The following MIS18A variants were observed in gnomAD, a reference collection of about 807,000 sequenced individuals.
The protein encoded by MIS18A is protein Mis18-alpha.
In MIS18A, 14 loss-of-function variants were observed where a neutral mutation model predicts 25.0. The observed-to-expected ratio is 0.56, with a 90% CI of 0.37 to 0.88. MIS18A has a LOEUF of 0.88. Ranked by LOEUF, MIS18A falls within the 40% of genes least tolerant of loss-of-function variation. MIS18A has a pLI of 0.00. For synonymous variants in MIS18A, 134 were observed against 118.6 expected (o/e 1.13, Z -0.84); for missense variants, 292 against 290.8 (o/e 1.00, Z -0.03).
At chr21:32,249,223 A>T in the MIS18A span, among the ~76,000 whole-genome samples, 9 of 152,162 alleles carry the variant, frequency 5.9e-5, no homozygotes, top group Admixed American at 5.9e-4. Flanking sequence ...GCAATGAGAG[A>T]GCAATGCGTT....
rs57672040 is a variant in MIS18A, at chr21:32,268,929, A to ATT, written c.*106_*107dup. 4.4e-3 allele frequency: 3,180 copies of ATT among 730,332 alleles called. 13 individuals carry two copies. The highest frequency in any genetic ancestry group is 0.025 in the African/African-American group (1,272 of 51,652). 45.2% of individuals were successfully genotyped at this position (730,332 alleles called of 1,614,324 possible). A position where few individuals can be genotyped will look rare whatever the true frequency, so the allele number is the denominator to read the frequency against. On this transcript the variant is annotated 3_prime_UTR_variant, in exon 5 of 5. Transcript: ENST00000290130. ...CCTCAGCGTTTCGCATGCCTGGCTA[A>ATT]TTTTTTTTTTCTTTTTTTTTTTGTA...
At chr21:32,246,842 G>T in the MIS18A span, among the ~76,000 whole-genome samples, 1 of 152,172 alleles carries the variant, frequency 6.6e-6, no homozygotes, top group Non-Finnish European at 1.5e-5. Flanking sequence ...GGAGGGAAAT[G>T]AACAGAAACG....
At chr21:32,241,018 C>G in the MIS18A span, among the ~76,000 whole-genome samples, 25 of 152,188 alleles carry the variant, frequency 1.6e-4, no homozygotes, top group Non-Finnish European at 3.5e-4. Flanking sequence ...GAAACCGAAG[C>G]CTGTCAAGCT....
chr21:32,211,528 A>G, the MIS18A span, among the ~76,000 whole-genome samples: 1 of 152,212 alleles, frequency 6.6e-6, no homozygotes, highest in African/African-American at 2.4e-5. Context: ...GGAGATGGCT[A>G]TCACCTCCTT....
the MIS18A span, among the ~76,000 whole-genome samples, chr21:32,238,229 G>C: frequency 1.3e-5 from 2 of 152,178 alleles, no homozygotes; most frequent in Admixed American, 1.3e-4. Flanking sequence ...CAAATTTCTT[G>C]TAAGAATCCA....
At chr21:32,162,152 G>A in the MIS18A span, among the ~76,000 whole-genome samples, 5 of 152,126 alleles carry the variant, frequency 3.3e-5, no homozygotes, top group African/African-American at 4.8e-5. Context: ...AACTGTGGCT[G>A]CCTCTAGAGT....
chr21:32,249,661 C>T, the MIS18A span, among the ~76,000 whole-genome samples: 2 of 152,116 alleles, frequency 1.3e-5, no homozygotes, highest in Admixed American at 1.3e-4. Flanking sequence ...GACGTGGCAC[C>T]GGCATCTGCT....
intron 2 of MIS18A, among the ~76,000 whole-genome samples, chr21:32,274,304 T>A (rs9982522): frequency 1 from 149,758 of 149,760 alleles, 74,878 homozygotes; most frequent in Middle Eastern, 1. Context: ...TCCGTAGTTC[T>A]AGTGATTCTC....
the MIS18A span, among the ~76,000 whole-genome samples, chr21:32,201,234 C>T: frequency 2.4e-3 from 364 of 151,930 alleles, 4 homozygotes; most frequent in African/African-American, 8.1e-3. Flanking sequence ...CATGGGGATC[C>T]GCCCCTATGA....
At chr21:32,222,754 A>AC in the MIS18A span, among the ~76,000 whole-genome samples, 151,868 of 151,888 alleles carry the variant, frequency 1, 75,924 homozygotes, top group Non-Finnish European at 1. Flanking sequence ...ACATGGTGAA[A>AC]CCTGTCTCTA....
At chr21:32,266,303 A>G (rs2031598973), downstream of MIS18A, among the ~76,000 whole-genome samples, 1 of 152,220 alleles carries the variant, frequency 6.6e-6, no homozygotes, top group Admixed American at 6.5e-5. Context: ...CGCACCAATC[A>G]GCGCCCTGAC....
At chr21:32,269,962 T>C (rs2031682611) in intron 3 of MIS18A, among the ~76,000 whole-genome samples, 159 bp from the exon 4 acceptor site, 1 of 152,062 alleles carries the variant, frequency 6.6e-6, no homozygotes, top group Admixed American at 6.6e-5. Context: ...TAGTCTTAGC[T>C]ACTTGGGAGG....
Position 32,273,310 on chromosome 21 carries a change from A to G in MIS18A, c.401+1520T>C, listed in dbSNP as rs148980665. Among the ~76,000 whole-genome samples, 606 of 152,068 alleles carry G rather than the reference A, an allele frequency of 4.0e-3. 7 individuals are homozygous for G. The East Asian group carries it at 0.06, about 15-fold the overall frequency. On this transcript the variant is annotated intron_variant, in intron 2 of 4. Transcript: ENST00000290130. ...GGCATGATTAATTACACCATTGCTG[A>G]TAATCTCTAGCCCCTCTGCCCTCGA... is the stretch of plus-strand genomic sequence containing the variant.
At chr21:32,274,972 C>T (rs1036197059) in intron 1 of MIS18A, 76 bp from the exon 2 acceptor site, 4 of 1,274,182 alleles carry the variant, frequency 3.1e-6, no homozygotes, top group African/African-American at 3.0e-5. Flanking sequence ...AGTTTCTAAT[C>T]CAACTTTTTA....
At chr21:32,276,305 A>C (rs539945071) in intron 1 of MIS18A, among the ~76,000 whole-genome samples, 38 of 151,874 alleles carry the variant, frequency 2.5e-4, no homozygotes, top group African/African-American at 8.7e-4. Flanking sequence ...CTAAAGATAC[A>C]AAAAAATTAG....
the MIS18A span, among the ~76,000 whole-genome samples, chr21:32,214,764 G>A: frequency 6.8e-4 from 104 of 152,334 alleles, no homozygotes; most frequent in Middle Eastern, 3.4e-3. Context: ...TCTGGGCTGA[G>A]GGACAGGATA....
At chr21:32,157,169 C>A in the MIS18A span, among the ~76,000 whole-genome samples, 3 of 149,774 alleles carry the variant, frequency 2.0e-5, 1 homozygote, top group South Asian at 6.4e-4. Context: ...GATTTTCCTG[C>A]CTCAGCCTCC....
chr21:32,260,441 A>T, the MIS18A span: 1 of 152,838 alleles, frequency 6.5e-6, no homozygotes, highest in Non-Finnish European at 1.5e-5. Flanking sequence ...ATGTCGGCAG[A>T]TCATTAGAAA....
At chr21:32,176,204 GTTGT>G in the MIS18A span, among the ~76,000 whole-genome samples, 2 of 152,134 alleles carry the variant, frequency 1.3e-5, no homozygotes, top group African/African-American at 2.4e-5. Flanking sequence ...TAATAACATA[GTTGT>G]TTATTATCAT....
Sources: gnomAD v4.1 joint callset for allele counts (sites outside exome capture counted in the v4.1 genomes callset) on GRCh38, gnomAD v4.1.1 for gene constraint, MANE v1.5 for transcripts, NCBI Gene and HGNC (gene_info 2026-07-23, HGNC 2026-07-21) for gene names.